Variants in BCL11B observed in about 807,000 individuals in gnomAD.
The protein encoded by BCL11B is B-cell lymphoma/leukemia 11B.
BCL11B carries 8 observed loss-of-function variants against 49.9 expected under a neutral mutation model. The observed-to-expected ratio is 0.16, with a 90% confidence interval of 0.09 to 0.29. BCL11B has a LOEUF of 0.29. Among genes scored for constraint, BCL11B ranks in the 10% least tolerant of loss-of-function variants. The pLI is 1.00. For missense variants in BCL11B, 1,006 were observed against 1,351.0 expected, an observed-to-expected ratio of 0.74 and a Z score of 4.00; for synonymous variants, 739 against 637.4, an observed-to-expected ratio of 1.16 and a Z score of -2.40.
At chr14:99,254,233 C>T (rs192235909) in intron 2 of BCL11B, among the ~76,000 whole-genome samples, 28 of 152,222 alleles carry the variant, frequency 1.8e-4, no homozygotes, top group Non-Finnish European at 2.9e-5. Flanking sequence ...GAAACTTCCT[C>T]CCTCTACCTT....
chr14:99,229,119 A>AATGGATGG (rs5810933), intron 3 of BCL11B, among the ~76,000 whole-genome samples: 3,547 of 137,852 alleles, frequency 0.026, 81 homozygotes, highest in African/African-American at 0.054. Context: ...TACAGGGATG[A>AATGGATGG]ATGGATGGAT....
At position 99,174,524 on chromosome 14, in the gene BCL11B, G is replaced by A. The variant is rs12885558; in HGVS notation, c.2312C>T (p.Ala771Val). ...DGGLSGRSGT[A>V]SGGSTPHLGG... ...CAGGTGCGGGGTGCTGCCTCCGCTG[G>A]CCGTGCCGCTGCGGCCCGAGAGGCC... Residue 771 changes from alanine to valine, a missense_variant, in exon 4 of 4, where the codon GCC becomes GTC. By Grantham distance (64) the Ala-to-Val change is moderately conservative (BLOSUM62 0). This residue lies in a region of BCL11B where 443 missense variants were observed against 499.7 expected (regional missense o/e 0.89). Coordinates refer to ENST00000357195, the MANE Select transcript of BCL11B (RefSeq NM_138576.4). 6.6e-7 allele frequency: 1 copy of A among 1,523,986 alleles called. No homozygotes were observed. The highest frequency in any genetic ancestry group is 8.8e-7 in the Non-Finnish European group (1 of 1,137,552). 94.4% of individuals were successfully genotyped at this position (1,523,986 alleles called of 1,614,324 possible). A position where few individuals can be genotyped will look rare whatever the true frequency, so the allele number is the denominator to read the frequency against.
chr14:99,175,853 TGCGGGTCCAGGTGGTGGCGCG>T lies in BCL11B; in HGVS notation c.962_982del (p.Pro321_Pro327del). On this transcript the variant is annotated inframe_deletion, in exon 4 of 4. Coordinates refer to ENST00000357195, the MANE Select transcript of BCL11B (RefSeq NM_138576.4). ...CCCCATCTCCTCGGCACTGAGGCGG[TGCGGGTCCAGGTGGTGGCGCG>T]GCGGGGGACTGAAGAGAGGCGGCGT... The T allele has an allele frequency of 3.4e-6, 5 of 1,478,616 alleles. No individual in the cohort carries two copies. The highest frequency in any genetic ancestry group is 4.5e-6 in the Non-Finnish European group (5 of 1,120,298). 91.6% of individuals were successfully genotyped at this position (1,478,616 alleles called of 1,614,324 possible). A position where few individuals can be genotyped will look rare whatever the true frequency, so the allele number is the denominator to read the frequency against.
Position 99,257,914 on chromosome 14 carries a change from C to T in BCL11B, c.59-75G>A, listed in dbSNP as rs893060412. ...TTAGGCGGTCACAGCACCCAACTTC[C>T]GGTCCACCCCTTCCCCGCCAAGAAG... is the stretch of plus-strand genomic sequence containing the variant. On this transcript the variant is annotated intron_variant, in intron 1 of 3. Coordinates refer to ENST00000357195, the MANE Select transcript of BCL11B (RefSeq NM_138576.4). This position sits in a 1 kb window ranked among gnomAD's most constrained non-coding sequence, Gnocchi z 6.2. 13 of 1,413,276 alleles carry T rather than the reference C, an allele frequency of 9.2e-6. No individual in the cohort carries two copies. In the East Asian group the frequency reaches 1.2e-4, roughly 13 times the overall value. 87.5% of individuals were successfully genotyped at this position (1,413,276 alleles called of 1,614,324 possible).
intron 2 of BCL11B, among the ~76,000 whole-genome samples, chr14:99,256,108 C>T (rs929136409): frequency 6.6e-6 from 1 of 152,324 alleles, no homozygotes; most frequent in Admixed American, 6.5e-5. Context: ...AGGCTTGCAG[C>T]ATTACCCTGA....
Position 99,231,697 on chromosome 14 carries a change from G to A in BCL11B, c.428-140C>T. The A allele has an allele frequency of 1.2e-6, 1 of 838,726 alleles. No homozygotes were observed. The highest frequency in any genetic ancestry group is 1.8e-6 in the Non-Finnish European group (1 of 542,784). The allele number at this position is 838,726 out of a possible 1,614,324, so 52.0% of individuals were successfully genotyped here. The stretch of plus-strand genomic sequence containing the variant: ...GGAGGCCCCCGGGGTGCCAGGCCCT[G>A]CAGGGAAGGCAATCGGGACACAGGC... On this transcript the variant is annotated intron_variant, in intron 2 of 3. Transcript: ENST00000357195. The surrounding 1 kb of genome is among the most constrained non-coding windows in gnomAD (Gnocchi z 8.1).
At chr14:99,233,425 C>A (rs1157392801) in intron 2 of BCL11B, among the ~76,000 whole-genome samples, 2 of 152,206 alleles carry the variant, frequency 1.3e-5, no homozygotes, top group Admixed American at 1.3e-4. Flanking sequence ...GTCCTGGGAT[C>A]TCTAGAGCAA....
At chr14:99,265,357 T>C (rs950469937) in intron 1 of BCL11B, among the ~76,000 whole-genome samples, 4 of 152,110 alleles carry the variant, frequency 2.6e-5, no homozygotes, top group African/African-American at 9.7e-5. Context: ...GCCAAAGTCT[T>C]TGGAGAGTTT....
chr14:99,252,599 G>A lies in BCL11B; in HGVS notation c.427+4872C>T, dbSNP rs149914048. 1.6e-3 allele frequency among the ~76,000 whole-genome samples: 250 copies of A among 152,282 alleles called. 1 individual carries two copies. The highest frequency in any genetic ancestry group is 5.4e-3 in the African/African-American group (225 of 41,558). On this transcript the variant is annotated intron_variant, in intron 2 of 3. Transcript: ENST00000357195. ...CAGGTAGATCCCGCGTCCTCCCTAGGTTGTGGATGAAGACATATCAAGTGG... is the reference window on the plus strand; with the variant it reads ...CAGGTAGATCCCGCGTCCTCCCTAGATTGTGGATGAAGACATATCAAGTGG...
intron 3 of BCL11B, among the ~76,000 whole-genome samples, chr14:99,206,872 G>A (rs1887546831): frequency 6.6e-6 from 1 of 152,144 alleles, no homozygotes; most frequent in African/African-American, 2.4e-5. Context: ...CAAGGATTAG[G>A]AGGAGACTAC....
chr14:99,230,690 C>T (rs1471218389), intron 3 of BCL11B, among the ~76,000 whole-genome samples: 29 of 152,224 alleles, frequency 1.9e-4, no homozygotes, highest in Admixed American at 1.9e-3. Flanking sequence ...CCACACCGCC[C>T]GCCCGGGAGA....
chr14:99,271,505 G>C lies in BCL11B; in HGVS notation c.-287C>G. 1.1e-4 allele frequency: 17 copies of C among 154,932 alleles called. No homozygotes were observed. Among genetic ancestry groups the C allele is most frequent in the Non-Finnish European group, 1.3e-4 (10 of 76,326 alleles). The allele number at this position is 154,932 out of a possible 1,614,324, so 9.6% of individuals were successfully genotyped here. A position where few individuals can be genotyped will look rare whatever the true frequency, so the allele number is the denominator to read the frequency against. On this transcript the variant is annotated 5_prime_UTR_variant, in exon 1 of 4. Transcript: ENST00000357195. Reference sequence around the variant, plus strand: ...AGAAAAACCTCTCGATCTAAAATAAGAAAAAGAGGCAAAAAAAAAAAAAAC... The same window carrying C: ...AGAAAAACCTCTCGATCTAAAATAACAAAAAGAGGCAAAAAAAAAAAAAAC...
chr14:99,196,777 C>T (rs1887191255), intron 3 of BCL11B, among the ~76,000 whole-genome samples: 1 of 152,190 alleles, frequency 6.6e-6, no homozygotes. Flanking sequence ...AGTGTGCAAA[C>T]CCACCCGCTC....
intron 2 of BCL11B, among the ~76,000 whole-genome samples, chr14:99,252,527 C>T (rs1464828790): frequency 1.3e-5 from 2 of 152,222 alleles, no homozygotes; most frequent in Non-Finnish European, 2.9e-5. Flanking sequence ...GTCACTGGGG[C>T]CCCAAACCAA....
intron 2 of BCL11B, among the ~76,000 whole-genome samples, chr14:99,250,937 A>G (rs911038144): frequency 1.3e-5 from 2 of 152,094 alleles, no homozygotes; most frequent in Non-Finnish European, 2.9e-5. Context: ...ACTTTCAACT[A>G]CAATCGGTGC....
At chr14:99,202,627 G>A (rs747765454) in intron 3 of BCL11B, among the ~76,000 whole-genome samples, 1 of 152,188 alleles carries the variant, frequency 6.6e-6, no homozygotes, top group Non-Finnish European at 1.5e-5. Context: ...GAGGGAGGCA[G>A]GGCCCACAGA....
intron 1 of BCL11B, among the ~76,000 whole-genome samples, chr14:99,259,673 C>A (rs1200283622): frequency 6.6e-6 from 1 of 152,168 alleles, no homozygotes. Flanking sequence ...GAAAAAGAAC[C>A]TACAAGGTAA....
At chr14:99,260,725 C>G (rs920124153) in intron 1 of BCL11B, among the ~76,000 whole-genome samples, 1 of 152,104 alleles carries the variant, frequency 6.6e-6, no homozygotes, top group Non-Finnish European at 1.5e-5. Context: ...TCACTTTCCT[C>G]ATGCAGCAGC....
intron 3 of BCL11B, among the ~76,000 whole-genome samples, chr14:99,199,677 T>TGCGC (rs1272012647): frequency 0.012 from 1,364 of 111,954 alleles, 12 homozygotes; most frequent in Non-Finnish European, 0.017. Context: ...TGTGTGTGTG[T>TGCGC]GTGTGTGCGC....
Sources: allele counts gnomAD v4.1 joint callset (sites outside exome capture counted in the v4.1 genomes callset), GRCh38; gene constraint gnomAD v4.1.1; regional missense constraint gnomAD v4.1.1; non-coding constraint Gnocchi (gnomAD v3.1); transcripts MANE v1.5; gene names NCBI Gene and HGNC (gene_info 2026-07-23, HGNC 2026-07-21).